IKBKB: variants seen among roughly 807,000 people sequenced by gnomAD.
The protein encoded by IKBKB is inhibitor of nuclear factor kappa-B kinase subunit beta.
IKBKB carries 42 observed loss-of-function variants against 113.6 expected under a neutral mutation model. The observed-to-expected ratio is 0.37, with a 90% confidence interval of 0.29 to 0.48. The LOEUF is 0.48. IKBKB is among the 20% of genes least tolerant of loss of function. IKBKB has a pLI of 0.99. For synonymous variants in IKBKB, 296 were observed against 361.3 expected, an observed-to-expected ratio of 0.82 and a Z score of 2.05; for missense variants, 673 against 939.7, an observed-to-expected ratio of 0.72 and a Z score of 3.71.
At chr8:42,291,659 A>T (rs1300384742) in intron 4 of IKBKB, among the ~76,000 whole-genome samples, 1 of 151,862 alleles carries the variant, frequency 6.6e-6, no homozygotes, top group Non-Finnish European at 1.5e-5. Flanking sequence ...TGTGCCTCTT[A>T]AAAAAAAATT....
In IKBKB at chr8:42,321,954, G is replaced by A. The variant is rs111359479; in HGVS notation, c.1738+9G>A. On this transcript the variant is annotated intron_variant, in intron 17 of 21. Transcript: ENST00000520810. ...AAGGGAAAAACCTCGAGGTAAGTGG[G>A]GTTCTGTGTCTGCCTTGGGCTTCTC... 6.2e-6 allele frequency: 10 copies of A among 1,613,234 alleles called. No individual in the cohort carries two copies. Among genetic ancestry groups the A allele is most frequent in the African/African-American group, 2.7e-5 (2 of 74,964 alleles).
At position 42,271,883 on chromosome 8, in the gene IKBKB, TG is replaced by T. The variant is rs1400038814; in HGVS notation, c.-18-195del. On this transcript the variant is annotated intron_variant, in intron 1 of 21. Coordinates refer to ENST00000520810, the MANE Select transcript of IKBKB (RefSeq NM_001556.3). ...CTTGCCTGATGCCACAGCAACCGGA[TG>T]GGGGAGGGTGAGAGGGACAAAAGTT... The T allele has an allele frequency of 2.0e-5, 12 of 592,022 alleles. 1 individual carries two copies. The highest frequency in any genetic ancestry group is 1.3e-4 in the African/African-American group (7 of 53,278). The allele number at this position is 592,022 out of a possible 1,614,324, so 36.7% of individuals were successfully genotyped here.
Position 42,322,330 on chromosome 8 carries a change from A to G in IKBKB, c.1839-17A>G, listed in dbSNP as rs1412853949. On this transcript the variant is annotated splice_polypyrimidine_tract_variant and intron_variant, in intron 18 of 21. Coordinates refer to ENST00000520810, the MANE Select transcript of IKBKB (RefSeq NM_001556.3). Reference sequence around the variant, plus strand: ...CCAGCCCAAATGCCATTAGTTTGCCATGTTTATTCTTTGCAGTAAAACTGT... The same window carrying G: ...CCAGCCCAAATGCCATTAGTTTGCCGTGTTTATTCTTTGCAGTAAAACTGT... 6.2e-7 allele frequency: 1 copy of G among 1,613,720 alleles called. No individual in the cohort carries two copies. Among genetic ancestry groups the G allele is most frequent in the Admixed American group, 1.7e-5 (1 of 59,902 alleles).
chr8:42,297,111 C>T (rs1023866550), intron 5 of IKBKB, among the ~76,000 whole-genome samples: 10 of 152,324 alleles, frequency 6.6e-5, no homozygotes, highest in African/African-American at 2.2e-4. Flanking sequence ...CTTCCTCAGA[C>T]CTGTTCACAT....
At chr8:42,276,205 C>T (rs1275794839) in intron 2 of IKBKB, among the ~76,000 whole-genome samples, 1 of 152,180 alleles carries the variant, frequency 6.6e-6, no homozygotes, top group African/African-American at 2.4e-5. Context: ...TTTACATTCC[C>T]ACCAATAGTG....
At chr8:42,288,874 G>T (rs1256656504) in intron 3 of IKBKB, 146 bp downstream of exon 3, 1 of 539,116 alleles carries the variant, frequency 1.9e-6, no homozygotes, top group Non-Finnish European at 3.3e-6. Context: ...ACGAGGTCAG[G>T]AGACTGAGAC....
At position 42,279,058 on chromosome 8, in the gene IKBKB, G is replaced by A. The variant is rs144471285; in HGVS notation, c.105+6853G>A. ...ATTAACAGCGCTTAGTGGTGGAGTA[G>A]AGGTGGAGGGGAGCAGGAGGAGTGG... On this transcript the variant is annotated intron_variant, in intron 2 of 21. Coordinates refer to ENST00000520810, the MANE Select transcript of IKBKB (RefSeq NM_001556.3). Among the ~76,000 whole-genome samples, 7 of 152,296 alleles carry A rather than the reference G, an allele frequency of 4.6e-5. 1 individual carries two copies. The highest frequency in any genetic ancestry group is 1.7e-4 in the African/African-American group (7 of 41,572).
In IKBKB at chr8:42,323,688, G is replaced by A. The variant is rs148251232; in HGVS notation, c.1986+1194G>A. On this transcript the variant is annotated intron_variant, in intron 19 of 21. Coordinates refer to ENST00000520810, the MANE Select transcript of IKBKB (RefSeq NM_001556.3). ...CAGTGCAGAGAACAGAGGGGCTGGG[G>A]TCGCATGCCAGAGCACTGAGCATGC... 3.1e-3 allele frequency among the ~76,000 whole-genome samples: 466 copies of A among 152,282 alleles called. 7 individuals are homozygous for A. Among genetic ancestry groups the A allele is most frequent in the Non-Finnish European group, 3.9e-3 (268 of 67,998 alleles).
chr8:42,302,908 A>G (rs1425310971), intron 5 of IKBKB, among the ~76,000 whole-genome samples: 1 of 152,140 alleles, frequency 6.6e-6, no homozygotes, highest in East Asian at 1.9e-4. Flanking sequence ...TTTTCAGCAA[A>G]TGTTCAGCTT....
chr8:42,275,806 A>C (rs1299574213), intron 2 of IKBKB, among the ~76,000 whole-genome samples: 1 of 152,148 alleles, frequency 6.6e-6, no homozygotes, highest in Non-Finnish European at 1.5e-5. Context: ...GATACCCAGT[A>C]GTGGGATTGC....
chr8:42,320,063 G>A (rs768509355), intron 15 of IKBKB: 8 of 165,142 alleles, frequency 4.8e-5, no homozygotes, highest in Non-Finnish European at 9.1e-5. Context: ...TAAATCAGAT[G>A]TCACCAAAAA....
rs1816522091 is a variant in IKBKB at position 42,306,346 on chromosome 8, A to C, written c.481A>C (p.Ile161Leu). ...TTTCTCCTTCCTTTTGTTTTAGTTAATACACAAAATTATTGACCTAGGATA... is the reference window on the plus strand; with the variant it reads ...TTTCTCCTTCCTTTTGTTTTAGTTACTACACAAAATTATTGACCTAGGATA... ...IVLQQGEQRL[I>L]HKIIDLGYAK... The change falls in exon 7 of 22, where the codon ATA becomes CTA. Residue 161 changes from isoleucine (I) to leucine (L), a missense_variant. Around this residue, in one of 2 missense-constraint regions of IKBKB, gnomAD observed 167 missense variants for 301.0 expected, o/e 0.55. Coordinates refer to ENST00000520810, the MANE Select transcript of IKBKB (RefSeq NM_001556.3). 1 of 1,599,854 alleles carries C rather than the reference A, an allele frequency of 6.3e-7. No homozygotes were observed. Among genetic ancestry groups the C allele is most frequent in the South Asian group, 1.1e-5 (1 of 90,834 alleles).
intron 20 of IKBKB, among the ~76,000 whole-genome samples, chr8:42,326,746 T>C (rs946631220): frequency 6.6e-6 from 1 of 152,236 alleles, no homozygotes; most frequent in Non-Finnish European, 1.5e-5. Context: ...TCTCAGGTCC[T>C]GCTGGAGACC....
rs1053667948 is a variant in IKBKB, at chr8:42,313,503, G to A, written c.693-819G>A. On this transcript the variant is annotated intron_variant, in intron 8 of 21. Coordinates refer to ENST00000520810, the MANE Select transcript of IKBKB (RefSeq NM_001556.3). ...CAAGAAGTTCCCTAAGTTGGGAAATGTATAAGTTCATTTATCCTTAGTATT... is the reference window on the plus strand; with the variant it reads ...CAAGAAGTTCCCTAAGTTGGGAAATATATAAGTTCATTTATCCTTAGTATT... Among the ~76,000 whole-genome samples, 27 of 152,196 alleles carry A rather than the reference G, an allele frequency of 1.8e-4. 1 individual carries two copies. Among genetic ancestry groups the A allele is most frequent in the Admixed American group, 1.6e-3 (24 of 15,276 alleles).
intron 2 of IKBKB, among the ~76,000 whole-genome samples, chr8:42,287,769 T>C (rs904648842): frequency 6.6e-6 from 1 of 152,120 alleles, no homozygotes; most frequent in Non-Finnish European, 1.5e-5. Flanking sequence ...AATGGCACAG[T>C]TGGAATTTGA....
chr8:42,271,469 G>T lies in IKBKB; in HGVS notation c.-19G>T. 1 of 1,194,496 alleles carries T rather than the reference G, an allele frequency of 8.4e-7. No homozygotes were observed. Among genetic ancestry groups the T allele is most frequent in the Non-Finnish European group, 1.2e-6 (1 of 861,944 alleles). The allele number at this position is 1,194,496 out of a possible 1,614,324, so 74.0% of individuals were successfully genotyped here. ...CCCCTGCCCCGCGTCCCTGCCGACA[G>T]GTGAGTCCCCCTCGTGGGTGCGGCC... On this transcript the variant is annotated splice_region_variant and 5_prime_UTR_variant, in exon 1 of 22. Coordinates refer to ENST00000520810, the MANE Select transcript of IKBKB (RefSeq NM_001556.3).
chr8:42,299,069 A>G (rs1332689048), intron 5 of IKBKB, among the ~76,000 whole-genome samples: 2 of 151,024 alleles, frequency 1.3e-5, no homozygotes, highest in African/African-American at 2.4e-5. Context: ...AGTCATATCC[A>G]TGTCTGCCAG....
intron 13 of IKBKB, 144 bp from the exon 14 acceptor site, chr8:42,319,126 A>G (rs1819273021): frequency 1.4e-6 from 1 of 739,940 alleles, no homozygotes; most frequent in Non-Finnish European, 2.2e-6. Context: ...TCCTTGGGTT[A>G]TAAGTGGCTG....
chr8:42,302,258 G>A (rs1815379044), intron 5 of IKBKB, among the ~76,000 whole-genome samples: 1 of 152,194 alleles, frequency 6.6e-6, no homozygotes, highest in Admixed American at 6.5e-5. Context: ...GTGCTGATGA[G>A]AAGCATTGGT....
Sources: gnomAD v4.1 joint callset for allele counts (sites outside exome capture counted in the v4.1 genomes callset) on GRCh38, gnomAD v4.1.1 for gene constraint, gnomAD v4.1.1 regional missense constraint, MANE v1.5 for transcripts, NCBI Gene and HGNC (gene_info 2026-07-23, HGNC 2026-07-21) for gene names.